The following BTLA variants were observed in gnomAD, a reference collection of about 807,000 sequenced individuals.
BTLA encodes B- and T-lymphocyte attenuator.
Under a neutral mutation model 25.0 loss-of-function variants are expected in BTLA, and 11 were observed. That is an observed-to-expected ratio of 0.44 (90% CI 0.28 to 0.73). The LOEUF (loss-of-function observed/expected upper bound fraction) is 0.73. Ranked by LOEUF, BTLA falls within the 30% of genes least tolerant of loss-of-function variation. The pLI is 0.15. For missense variants in BTLA, 282 were observed against 332.8 expected, an observed-to-expected ratio of 0.85 and a Z score of 1.19; for synonymous variants, 104 against 119.8, an observed-to-expected ratio of 0.87 and a Z score of 0.86.
chr3:112,469,607 GTATATATATATATATATATATATATATA>G lies in BTLA; in HGVS notation c.594+123_594+150del, dbSNP rs60258722. The G allele has an allele frequency of 1.2e-3, 72 of 58,450 alleles. 5 individuals are homozygous for G. Among genetic ancestry groups the G allele is most frequent in the African/African-American group, 4.5e-3 (63 of 14,032 alleles). 3.6% of individuals were successfully genotyped at this position (58,450 alleles called of 1,614,324 possible). A position where few individuals can be genotyped will look rare whatever the true frequency, so the allele number is the denominator to read the frequency against. ...TTCACATTTTTAAAAATGGGTCTAT[GTATATATATATATATATATATATATATA>G]TATATATATATATAGTACATAGAAT... On this transcript the variant is annotated intron_variant, in intron 4 of 4. Transcript: ENST00000334529.
chr3:112,473,847 C>T (rs192312427), intron 2 of BTLA, among the ~76,000 whole-genome samples: 4 of 152,074 alleles, frequency 2.6e-5, no homozygotes, highest in African/African-American at 4.8e-5. Flanking sequence ...AACTCCTGAC[C>T]TCAAGTGATT....
At chr3:112,481,712 G>A (rs1186972728) in intron 1 of BTLA, among the ~76,000 whole-genome samples, 1 of 152,132 alleles carries the variant, frequency 6.6e-6, no homozygotes, top group Non-Finnish European at 1.5e-5. Context: ...ATGGTCACTA[G>A]GCCACACCCT....
Position 112,465,993 on chromosome 3 carries a change from A to G in BTLA, c.*115T>C, listed in dbSNP as rs922012334. On this transcript the variant is annotated 3_prime_UTR_variant, in exon 5 of 5. Coordinates refer to ENST00000334529, the MANE Select transcript of BTLA (RefSeq NM_181780.4). ...TTAAGACCCAAGCACTAACATGAAC[A>G]TTTCTAAAGTAAAAATTCTCAAATT... is the stretch of plus-strand genomic sequence containing the variant. 3.2e-6 allele frequency: 4 copies of G among 1,232,628 alleles called. No homozygotes were observed. The African/African-American group carries it at 5.9e-5, about 18-fold the overall frequency. The allele number at this position is 1,232,628 out of a possible 1,614,324, so 76.4% of individuals were successfully genotyped here. A position where few individuals can be genotyped will look rare whatever the true frequency, so the allele number is the denominator to read the frequency against.
At chr3:112,497,513 T>C (rs16859661) in intron 1 of BTLA, among the ~76,000 whole-genome samples, 5,896 of 152,304 alleles carry the variant, frequency 0.039, 180 homozygotes, top group Admixed American at 0.083. Flanking sequence ...AACTCATTGT[T>C]CTTAATTTCA....
chr3:112,471,482 G>T, intron 2 of BTLA, 127 bp from the exon 3 acceptor site: 1 of 1,036,868 alleles, frequency 9.6e-7, no homozygotes, highest in Non-Finnish European at 1.4e-6. Flanking sequence ...TTCCCCTTCA[G>T]AGGCATTCCT....
chr3:112,493,660 C>T (rs1258065655), intron 1 of BTLA, among the ~76,000 whole-genome samples: 3 of 152,170 alleles, frequency 2.0e-5, no homozygotes, highest in African/African-American at 7.2e-5. Context: ...TCCCACCACG[C>T]CCAGCTAATT....
chr3:112,472,313 T>C (rs926766082), intron 2 of BTLA, among the ~76,000 whole-genome samples: 1 of 152,178 alleles, frequency 6.6e-6, no homozygotes, highest in Non-Finnish European at 1.5e-5. Flanking sequence ...GTGTGCATTA[T>C]GGGTTGTGAT....
At chr3:112,491,179 C>A (rs2082378092) in intron 1 of BTLA, among the ~76,000 whole-genome samples, 1 of 152,092 alleles carries the variant, frequency 6.6e-6, no homozygotes, top group Non-Finnish European at 1.5e-5. Context: ...AAGAAGAGAA[C>A]CTTAGAGGTC....
intron 1 of BTLA, among the ~76,000 whole-genome samples, chr3:112,482,258 C>T (rs1050958218): frequency 1.3e-5 from 2 of 152,170 alleles, no homozygotes; most frequent in African/African-American, 4.8e-5. Context: ...ATTTATTTCA[C>T]TCATTTTCAT....
At chr3:112,467,431 C>T (rs1389674323) in intron 4 of BTLA, among the ~76,000 whole-genome samples, 1 of 152,208 alleles carries the variant, frequency 6.6e-6, no homozygotes, top group East Asian at 1.9e-4. Flanking sequence ...TGTGTTCATT[C>T]TAGGGGCTAT....
chr3:112,499,141 A>T, intron 1 of BTLA, 130 bp downstream of exon 1: 1 of 640,722 alleles, frequency 1.6e-6, no homozygotes, highest in Non-Finnish European at 2.7e-6. Context: ...AGCAAATGTA[A>T]CAGCTTGGTT....
intron 1 of BTLA, among the ~76,000 whole-genome samples, chr3:112,488,158 A>G (rs1049647699): frequency 6.6e-6 from 1 of 151,654 alleles, no homozygotes; most frequent in East Asian, 1.9e-4. Flanking sequence ...CTACATTCCA[A>G]ACTTGGCCTT....
At chr3:112,485,041 TTTAA>T (rs1371720896) in intron 1 of BTLA, among the ~76,000 whole-genome samples, 1 of 152,110 alleles carries the variant, frequency 6.6e-6, no homozygotes, top group East Asian at 1.9e-4. Context: ...TTCTATTTTT[TTTAA>T]TTAATTTATT....
At chr3:112,474,682 T>C (rs1046641635) in intron 2 of BTLA, among the ~76,000 whole-genome samples, 2 of 152,240 alleles carry the variant, frequency 1.3e-5, no homozygotes, top group East Asian at 3.9e-4. Flanking sequence ...CAGGTGATCA[T>C]GAAAAGCTTC....
intron 1 of BTLA, among the ~76,000 whole-genome samples, chr3:112,480,152 GT>G (rs2082310405): frequency 6.6e-6 from 1 of 152,042 alleles, no homozygotes; most frequent in Non-Finnish European, 1.5e-5. Context: ...AATGTACTTT[GT>G]AATCTCCCCC....
chr3:112,497,986 C>T (rs575332402), intron 1 of BTLA, among the ~76,000 whole-genome samples: 15 of 152,000 alleles, frequency 9.9e-5, no homozygotes, highest in Non-Finnish European at 1.5e-5. Flanking sequence ...GAGCTCCAGA[C>T]CAGCCTGCCC....
chr3:112,469,651 T>TATATATATATATATA (rs57105315), intron 4 of BTLA, 107 bp downstream of exon 4: 2 of 405,280 alleles, frequency 4.9e-6, no homozygotes, highest in African/African-American at 7.3e-5. Context: ...ATATATATAG[T>TATATATATATATATA]ACATAGAATA....
intron 2 of BTLA, among the ~76,000 whole-genome samples, chr3:112,473,611 CTTTT>C (rs777897332): frequency 8.7e-6 from 1 of 115,152 alleles, no homozygotes; most frequent in South Asian, 2.9e-4. Context: ...TTTTCTTCTT[CTTTT>C]TTTTTTTTTT....
Position 112,490,926 on chromosome 3 carries a change from T to C in BTLA, c.88+8345A>G, listed in dbSNP as rs112350382. Among the ~76,000 whole-genome samples, 362 of 152,298 alleles carry C rather than the reference T, an allele frequency of 2.4e-3. 2 individuals carry two copies. The highest frequency in any genetic ancestry group is 8.4e-3 in the African/African-American group (351 of 41,558). On this transcript the variant is annotated intron_variant, in intron 1 of 4. Coordinates refer to ENST00000334529, the MANE Select transcript of BTLA (RefSeq NM_181780.4). ...TTTCTTCTACAGTTAGAATTTCTCA[T>C]TGTTAGTGTAGTATGACTATTTGGC...
Sources: allele counts gnomAD v4.1 joint callset (sites outside exome capture counted in the v4.1 genomes callset), GRCh38; gene constraint gnomAD v4.1.1; transcripts MANE v1.5; gene names NCBI Gene and HGNC (gene_info 2026-07-23, HGNC 2026-07-21).